The following TSGA10 variants were observed in gnomAD, a reference collection of about 807,000 sequenced individuals.
The protein encoded by TSGA10 is testis-specific gene 10 protein.
Under a neutral mutation model 96.6 loss-of-function variants are expected in TSGA10, and 43 were observed. The ratio of observed to expected loss-of-function variants is 0.44; its 90% confidence interval spans 0.35 to 0.57. The LOEUF is 0.57. Among genes scored for constraint, TSGA10 ranks in the 20% least tolerant of loss-of-function variants. TSGA10 has a pLI of 0.01. For synonymous variants in TSGA10, 229 were observed against 269.9 expected (o/e 0.85, Z 1.48); for missense variants, 703 against 834.4 (o/e 0.84, Z 1.94).
At chr2:99,019,271 TAACA>T (rs2079805771) in intron 18 of TSGA10, among the ~76,000 whole-genome samples, 2 of 152,300 alleles carry the variant, frequency 1.3e-5, no homozygotes, top group Admixed American at 1.3e-4. Flanking sequence ...TAGAGACTAA[TAACA>T]AACACTTCTC....
chr2:99,046,759 C>T (rs2082815247), intron 16 of TSGA10, among the ~76,000 whole-genome samples: 1 of 152,058 alleles, frequency 6.6e-6, no homozygotes, highest in Non-Finnish European at 1.5e-5. Context: ...ACAAAAAACC[C>T]TTCAAAAAAT....
intron 1 of TSGA10, among the ~76,000 whole-genome samples, chr2:99,130,187 G>C (rs1375613004): frequency 6.6e-6 from 1 of 152,144 alleles, no homozygotes. Flanking sequence ...TCTGATTCTA[G>C]ATCCCTGAGG....
At chr2:99,008,101 A>C (rs779710632) in intron 20 of TSGA10, among the ~76,000 whole-genome samples, 20 of 152,220 alleles carry the variant, frequency 1.3e-4, no homozygotes, top group Non-Finnish European at 2.2e-4. Flanking sequence ...AAAATATACA[A>C]GTACTAAAAG....
intron 16 of TSGA10, among the ~76,000 whole-genome samples, chr2:99,058,819 T>G (rs2084295674): frequency 6.6e-6 from 1 of 151,484 alleles, no homozygotes. Context: ...GGGTGAATTA[T>G]GAGGTCAGGA....
At chr2:99,097,457 T>C (rs1301550915) in intron 10 of TSGA10, among the ~76,000 whole-genome samples, 1 of 152,194 alleles carries the variant, frequency 6.6e-6, no homozygotes, top group Non-Finnish European at 1.5e-5. Context: ...TGTATGTATA[T>C]GTGTTATTAA....
At chr2:99,041,132 G>C (rs1476585627) in intron 16 of TSGA10, among the ~76,000 whole-genome samples, 1 of 152,234 alleles carries the variant, frequency 6.6e-6, no homozygotes, top group Non-Finnish European at 1.5e-5. Context: ...TTGGGTATCA[G>C]TTTAAGATTG....
intron 16 of TSGA10, among the ~76,000 whole-genome samples, chr2:99,062,346 T>C (rs1011929719): frequency 6.6e-6 from 1 of 152,238 alleles, no homozygotes; most frequent in Admixed American, 6.5e-5. Flanking sequence ...CCATTTTATC[T>C]GATCACAATA....
intron 10 of TSGA10, among the ~76,000 whole-genome samples, chr2:99,089,794 C>T (rs972593144): frequency 1.3e-5 from 2 of 152,146 alleles, no homozygotes; most frequent in Non-Finnish European, 2.9e-5. Flanking sequence ...ATGACTAACC[C>T]TGCCCCACCT....
chr2:99,065,552 C>T (rs1231760135), intron 15 of TSGA10, among the ~76,000 whole-genome samples: 1 of 152,176 alleles, frequency 6.6e-6, no homozygotes, highest in African/African-American at 2.4e-5. Context: ...GCTGTGCTGG[C>T]TACAGAGCTT....
intron 20 of TSGA10, among the ~76,000 whole-genome samples, chr2:99,008,225 T>C (rs1431127750): frequency 1.3e-5 from 2 of 151,894 alleles, no homozygotes; most frequent in African/African-American, 4.8e-5. Context: ...AAAAACTTTA[T>C]AGAGAAAAAG....
At chr2:99,109,344 T>TC (rs2091622433) in intron 6 of TSGA10, 45 bp downstream of exon 6, 1 of 1,581,804 alleles carries the variant, frequency 6.3e-7, no homozygotes, top group African/African-American at 1.3e-5. Context: ...AAAGCCAGTG[T>TC]CTGGGCAACA....
At chr2:99,152,494 A>G (rs2093703280) in intron 1 of TSGA10, among the ~76,000 whole-genome samples, 1 of 152,190 alleles carries the variant, frequency 6.6e-6, no homozygotes, top group Non-Finnish European at 1.5e-5. Context: ...AATGTTACCC[A>G]GACTGGTCTC....
intron 10 of TSGA10, among the ~76,000 whole-genome samples, chr2:99,089,878 A>G (rs2089074796): frequency 6.6e-6 from 1 of 152,098 alleles, no homozygotes; most frequent in African/African-American, 2.4e-5. Context: ...GGCCCCACTC[A>G]CCACCTGATC....
intron 1 of TSGA10, among the ~76,000 whole-genome samples, chr2:99,132,596 T>A (rs763791324): frequency 1.3e-5 from 2 of 152,164 alleles, no homozygotes; most frequent in African/African-American, 4.8e-5. Flanking sequence ...GCTTTTCGTG[T>A]CTCTATCTCC....
chr2:99,068,863 GC>G, intron 15 of TSGA10, 24 bp downstream of exon 15: 1 of 1,224,064 alleles, frequency 8.2e-7, no homozygotes, highest in Non-Finnish European at 1.1e-6. Flanking sequence ...AGTATCATGA[GC>G]AAAAAGAAAA....
At chr2:99,056,865 A>G (rs1045655757) in intron 16 of TSGA10, among the ~76,000 whole-genome samples, 1 of 151,866 alleles carries the variant, frequency 6.6e-6, no homozygotes, top group Non-Finnish European at 1.5e-5. Context: ...AACATAAAAA[A>G]TAATTACATA....
chr2:99,067,433 T>C (rs1245234054), intron 15 of TSGA10, among the ~76,000 whole-genome samples: 2 of 152,244 alleles, frequency 1.3e-5, no homozygotes, highest in African/African-American at 4.8e-5. Context: ...TGATGTGTGA[T>C]GTCTGAAAAT....
chr2:99,144,649 CA>C (rs70940140), intron 1 of TSGA10, among the ~76,000 whole-genome samples: 1,534 of 52,250 alleles, frequency 0.029, 41 homozygotes, highest in African/African-American at 0.098. Flanking sequence ...AACTCTGTCT[CA>C]AAAAAAAAAA....
At chr2:99,090,610 C>T (rs2089204407) in intron 10 of TSGA10, among the ~76,000 whole-genome samples, 1 of 151,954 alleles carries the variant, frequency 6.6e-6, no homozygotes, top group Non-Finnish European at 1.5e-5. Context: ...ATCAAGGGCA[C>T]ACAGAAATGC....
Sources: gnomAD v4.1 joint callset for allele counts (sites outside exome capture counted in the v4.1 genomes callset) on GRCh38, gnomAD v4.1.1 for gene constraint, MANE v1.5 for transcripts, NCBI Gene and HGNC (gene_info 2026-07-23, HGNC 2026-07-21) for gene names.